Variants in WWOX observed in about 807,000 individuals in gnomAD.
WWOX encodes WW domain-containing oxidoreductase.
A neutral mutation model predicts 46.2 loss-of-function variants in WWOX; 69 were observed. The ratio of observed to expected loss-of-function variants is 1.49; its 90% CI spans 1.23 to 1.82. The LOEUF (loss-of-function observed/expected upper bound fraction) is 1.82. Among genes scored for constraint, WWOX ranks in the 40% most tolerant of loss-of-function variants. The probability of loss-of-function intolerance (pLI) is 0.00; values close to 1 mark genes in which losing one functional copy is unlikely to be tolerated. For missense variants in WWOX, 919 were observed against 542.6 expected, an observed-to-expected ratio of 1.69 and a Z score of -6.89; for synonymous variants, 359 against 202.6, an observed-to-expected ratio of 1.77 and a Z score of -6.56.
chr16:78,368,594 G>C (rs1249569511), intron 5 of WWOX, among the ~76,000 whole-genome samples: 1 of 152,180 alleles, frequency 6.6e-6, no homozygotes, highest in Non-Finnish European at 1.5e-5. Flanking sequence ...ATATTGAAGA[G>C]GCAGGGAGAG....
chr16:78,856,127 G>A (rs886602404), intron 8 of WWOX, among the ~76,000 whole-genome samples: 1 of 152,208 alleles, frequency 6.6e-6, no homozygotes, highest in African/African-American at 2.4e-5. Context: ...CATAGGAAAG[G>A]AGTTCAGGGT....
At chr16:79,057,403 C>G (rs531582289) in intron 8 of WWOX, among the ~76,000 whole-genome samples, 83 of 152,194 alleles carry the variant, frequency 5.5e-4, no homozygotes, top group Non-Finnish European at 1.1e-3. Context: ...AGCATTTTTA[C>G]CAACTGTTTT....
At chr16:79,092,839 G>A (rs1296074469) in intron 8 of WWOX, among the ~76,000 whole-genome samples, 1 of 152,074 alleles carries the variant, frequency 6.6e-6, no homozygotes, top group African/African-American at 2.4e-5. Context: ...TCTCACTCAG[G>A]CCCCTCAGCC....
chr16:78,257,942 AT>A (rs2038175482), intron 5 of WWOX, among the ~76,000 whole-genome samples: 1 of 20,088 alleles, frequency 5.0e-5, no homozygotes, highest in Non-Finnish European at 8.0e-5. Flanking sequence ...TCCTAAAAAA[AT>A]CAGAGACTAT....
intron 8 of WWOX, among the ~76,000 whole-genome samples, chr16:78,785,297 A>C (rs1334473670): frequency 6.6e-6 from 1 of 152,170 alleles, no homozygotes; most frequent in Non-Finnish European, 1.5e-5. Flanking sequence ...AGAAATTCTC[A>C]CTTCCCAGCA....
intron 8 of WWOX, among the ~76,000 whole-genome samples, chr16:78,944,471 T>A (rs911479692): frequency 1.3e-5 from 2 of 152,132 alleles, no homozygotes; most frequent in African/African-American, 2.4e-5. Context: ...TCTGAACATC[T>A]TCTCTGACAA....
intron 8 of WWOX, among the ~76,000 whole-genome samples, chr16:78,466,039 G>GTT (rs112254752): frequency 0.019 from 2,773 of 148,528 alleles, 43 homozygotes; most frequent in African/African-American, 0.039. Context: ...TTGGTTTTTT[G>GTT]TTTTTTTTTT....
At chr16:78,906,694 C>A (rs1268686998) in intron 8 of WWOX, among the ~76,000 whole-genome samples, 1 of 152,154 alleles carries the variant, frequency 6.6e-6, no homozygotes, top group Non-Finnish European at 1.5e-5. Context: ...GTGGGAAGGA[C>A]CTTATCCTGT....
intron 8 of WWOX, among the ~76,000 whole-genome samples, chr16:79,018,702 A>C (rs7185083): frequency 0.018 from 2,750 of 152,260 alleles, 82 homozygotes; most frequent in African/African-American, 0.064. Context: ...CATGAAATCA[A>C]CCAGAAAGTG....
At chr16:78,955,537 T>C (rs1459872869) in intron 8 of WWOX, among the ~76,000 whole-genome samples, 1 of 152,226 alleles carries the variant, frequency 6.6e-6, no homozygotes, top group African/African-American at 2.4e-5. Context: ...GCAGGGATAA[T>C]AACTGCACTT....
rs550554878 is a variant in WWOX at position 78,595,080 on chromosome 16, C to A, written c.1056+162328C>A. 9.9e-5 allele frequency among the ~76,000 whole-genome samples: 15 copies of A among 152,268 alleles called. No homozygotes were observed. In the South Asian group the frequency reaches 3.1e-3, roughly 32 times the overall value. ...TTGGGGACCCCAGGGTGGAAGCTGCCATGCGCATGAGGCTGTGTTAGCAGA... is the reference window on the plus strand; with the variant it reads ...TTGGGGACCCCAGGGTGGAAGCTGCAATGCGCATGAGGCTGTGTTAGCAGA... On this transcript the variant is annotated intron_variant, in intron 8 of 8. Coordinates refer to ENST00000566780, the MANE Select transcript of WWOX (RefSeq NM_016373.4).
intron 8 of WWOX, among the ~76,000 whole-genome samples, chr16:78,854,823 C>G (rs912444512): frequency 1.3e-5 from 2 of 151,914 alleles, no homozygotes; most frequent in East Asian, 1.9e-4. Flanking sequence ...CTCAGGTGAT[C>G]TGCCCTCCTC....
intron 8 of WWOX, among the ~76,000 whole-genome samples, chr16:79,169,188 C>G (rs2050652835): frequency 6.6e-6 from 1 of 152,176 alleles, no homozygotes; most frequent in Admixed American, 6.5e-5. Context: ...AATAACATGT[C>G]CAAAGTCTCC....
chr16:78,115,560 C>A (rs2032736900), intron 4 of WWOX, among the ~76,000 whole-genome samples: 1 of 152,210 alleles, frequency 6.6e-6, no homozygotes, highest in South Asian at 2.1e-4. Flanking sequence ...AAGGATACTA[C>A]AGGTTTCGAC....
chr16:78,589,326 G>T (rs2045297213), intron 8 of WWOX, among the ~76,000 whole-genome samples: 1 of 152,212 alleles, frequency 6.6e-6, no homozygotes, highest in Non-Finnish European at 1.5e-5. Context: ...CCTCCTTGAT[G>T]GGGGGACACA....
At chr16:78,234,021 G>A (rs1031904411) in intron 5 of WWOX, among the ~76,000 whole-genome samples, 2 of 152,134 alleles carry the variant, frequency 1.3e-5, no homozygotes, top group African/African-American at 4.8e-5. Context: ...AACATTCTAA[G>A]CCTGGGAATA....
chr16:79,009,590 A>G lies in WWOX; in HGVS notation c.1057-202018A>G, dbSNP rs557607505. ...TCAAGCGATTCTCCTGCCTCAGCCC[A>G]TAGGCACATGCCACCACACCTGACT... On this transcript the variant is annotated intron_variant, in intron 8 of 8. Coordinates refer to ENST00000566780, the MANE Select transcript of WWOX (RefSeq NM_016373.4). Among the ~76,000 whole-genome samples, 68 of 152,126 alleles carry G rather than the reference A, an allele frequency of 4.5e-4. No individual in the cohort carries two copies. The South Asian group carries it at 0.013, about 28-fold the overall frequency.
chr16:78,375,997 C>G (rs1254652823), intron 5 of WWOX, among the ~76,000 whole-genome samples: 1 of 152,022 alleles, frequency 6.6e-6, no homozygotes, highest in Non-Finnish European at 1.5e-5. Flanking sequence ...ACTACCAGCG[C>G]ATGTCACCAT....
At chr16:78,643,523 A>C (rs557469795) in intron 8 of WWOX, among the ~76,000 whole-genome samples, 75 of 152,122 alleles carry the variant, frequency 4.9e-4, no homozygotes, top group Non-Finnish European at 7.6e-4. Context: ...CTGTGACCTC[A>C]AGGCAAATGA....
Sources: gnomAD v4.1 joint callset for allele counts (sites outside exome capture counted in the v4.1 genomes callset) on GRCh38, gnomAD v4.1.1 for gene constraint, MANE v1.5 for transcripts, NCBI Gene and HGNC (gene_info 2026-07-23, HGNC 2026-07-21) for gene names.